Variants in TAF3 observed in about 807,000 individuals in gnomAD.
TAF3 encodes TATA-box binding protein associated factor 3, also known as transcription initiation factor TFIID subunit 3.
TAF3 carries 7 observed loss-of-function variants against 80.6 expected under a neutral mutation model. That is an observed-to-expected ratio of 0.09 (90% CI 0.05 to 0.16). TAF3 has a LOEUF of 0.16. Among genes scored for constraint, TAF3 ranks in the 10% least tolerant of loss-of-function variants. The probability of loss-of-function intolerance (pLI) is 1.00; values close to 1 mark genes in which losing one functional copy is unlikely to be tolerated. For synonymous variants in TAF3, 444 were observed against 446.1 expected, an observed-to-expected ratio of 1.00 and a Z score of 0.06; for missense variants, 921 against 1,140.2, an observed-to-expected ratio of 0.81 and a Z score of 2.77.
intron 2 of TAF3, among the ~76,000 whole-genome samples, chr10:7,908,286 C>A (rs776124817): frequency 5.9e-5 from 9 of 152,126 alleles, no homozygotes; most frequent in Non-Finnish European, 1.2e-4. Flanking sequence ...GCCTGAAGGC[C>A]ATGGCTACTG....
chr10:7,842,104 A>C lies in TAF3; in HGVS notation c.409+17544A>C, dbSNP rs539501865. 8.0e-5 allele frequency among the ~76,000 whole-genome samples: 12 copies of C among 150,548 alleles called. No individual in the cohort carries two copies. In the East Asian group the frequency reaches 2.1e-3, roughly 27 times the overall value. On this transcript the variant is annotated intron_variant, in intron 2 of 6. Coordinates refer to ENST00000344293, the MANE Select transcript of TAF3 (RefSeq NM_031923.4). ...ATTGAGTTGCGTGAGTACCCTATTT[A>C]ATTAAAGATGGCCCTGTTTGTCATT...
chr10:7,935,023 T>C (rs533181843), intron 2 of TAF3, among the ~76,000 whole-genome samples: 27 of 152,172 alleles, frequency 1.8e-4, no homozygotes, highest in African/African-American at 5.8e-4. Context: ...ATGCCTGTAA[T>C]GCCAGCACTT....
chr10:7,967,757 A>T (rs902531501), intron 3 of TAF3, among the ~76,000 whole-genome samples: 5 of 152,210 alleles, frequency 3.3e-5, no homozygotes, highest in Non-Finnish European at 1.5e-5. Context: ...AGAGTGTTCC[A>T]TTCTGAATCA....
In TAF3 at chr10:7,965,349, A is replaced by T; in HGVS notation, c.1839A>T (p.Lys613Asn). The change falls in exon 3 of 7, where the codon AAA becomes AAT. Residue 613 changes from lysine (K) to asparagine (N), a missense_variant. Lys to Asn is a moderately conservative substitution (Grantham distance 94). Coordinates refer to ENST00000344293, the MANE Select transcript of TAF3 (RefSeq NM_031923.4). ...KLKDGLVRKE[K>N]EKHKDKKKDR... The stretch of plus-strand genomic sequence containing the variant: ...AAGATGGACTTGTGAGGAAGGAGAA[A>T]GAGAAGCATAAAGATAAGAAGAAAG... 1 of 1,603,528 alleles carries T rather than the reference A, an allele frequency of 6.2e-7. No individual in the cohort carries two copies.
At chr10:7,923,054 A>G (rs1267871246) in intron 2 of TAF3, among the ~76,000 whole-genome samples, 2 of 152,104 alleles carry the variant, frequency 1.3e-5, no homozygotes, top group African/African-American at 4.8e-5. Flanking sequence ...TATCATTATT[A>G]AAAGTTTTTT....
intron 2 of TAF3, among the ~76,000 whole-genome samples, chr10:7,861,629 T>C (rs1350109493): frequency 6.6e-6 from 1 of 152,170 alleles, no homozygotes; most frequent in African/African-American, 2.4e-5. Context: ...TTTTCCACCA[T>C]CTCATAACCT....
intron 2 of TAF3, among the ~76,000 whole-genome samples, chr10:7,834,827 C>A (rs1359932764): frequency 6.6e-6 from 1 of 152,004 alleles, no homozygotes; most frequent in Non-Finnish European, 1.5e-5. Context: ...ATTTTTTTTG[C>A]TCATTCTGTC....
chr10:7,885,822 T>G (rs1837404107), intron 2 of TAF3, among the ~76,000 whole-genome samples: 1 of 152,232 alleles, frequency 6.6e-6, no homozygotes, highest in Non-Finnish European at 1.5e-5. Flanking sequence ...AGCTGACCCA[T>G]CACTCTTTGT....
At chr10:7,891,333 C>G (rs546002792) in intron 2 of TAF3, among the ~76,000 whole-genome samples, 70 of 152,176 alleles carry the variant, frequency 4.6e-4, no homozygotes, top group Non-Finnish European at 8.5e-4. Flanking sequence ...GTAAAAGACA[C>G]AGATACAAGT....
At chr10:7,927,628 A>G (rs1381923247) in intron 2 of TAF3, among the ~76,000 whole-genome samples, 1 of 152,202 alleles carries the variant, frequency 6.6e-6, no homozygotes, top group East Asian at 1.9e-4. Context: ...TTAACGTCAG[A>G]TAATGCCCAG....
At chr10:7,947,727 T>C (rs1347062400) in intron 2 of TAF3, among the ~76,000 whole-genome samples, 1 of 152,140 alleles carries the variant, frequency 6.6e-6, no homozygotes, top group Non-Finnish European at 1.5e-5. Flanking sequence ...GGGCCAGACC[T>C]TCCAAGACCT....
intron 2 of TAF3, among the ~76,000 whole-genome samples, chr10:7,877,167 A>G (rs1368938336): frequency 6.6e-6 from 1 of 152,098 alleles, no homozygotes; most frequent in Non-Finnish European, 1.5e-5. Context: ...AATTTAGGTG[A>G]TAATTACTTA....
intron 2 of TAF3, among the ~76,000 whole-genome samples, chr10:7,909,548 G>A (rs1837637698): frequency 6.6e-6 from 1 of 152,198 alleles, no homozygotes; most frequent in Non-Finnish European, 1.5e-5. Flanking sequence ...GTGAGTCAAA[G>A]CAAAGAAGGC....
rs765063709 is a variant in TAF3, at chr10:7,964,453, T to TCCAAGAGCCCCAAGAGTC, written c.958_975dup (p.Ser320_Lys325dup). On this transcript the variant is annotated inframe_insertion, in exon 3 of 7. Transcript: ENST00000344293. The surrounding 1 kb of genome is among the most constrained non-coding windows in gnomAD (Gnocchi z 4.1). ...CAAAGAAAAGAAATCACCTGGACGT[T>TCCAAGAGCCCCAAGAGTC]CCAAGAGCCCCAAGAGTCCCAAGAG... 1.9e-6 allele frequency: 3 copies of TCCAAGAGCCCCAAGAGTC among 1,613,712 alleles called. No individual in the cohort carries two copies. The highest frequency in any genetic ancestry group is 1.7e-5 in the Admixed American group (1 of 59,958).
At chr10:7,911,283 AGTGAAATCTGGCCT>A (rs1424810063) in intron 2 of TAF3, among the ~76,000 whole-genome samples, 1 of 152,272 alleles carries the variant, frequency 6.6e-6, no homozygotes. Flanking sequence ...TTAGTCAGTC[AGTGAAATCTGGCCT>A]AATCTGGGAC....
chr10:7,847,333 A>G (rs1343732928), intron 2 of TAF3, among the ~76,000 whole-genome samples: 1 of 152,258 alleles, frequency 6.6e-6, no homozygotes, highest in Admixed American at 6.5e-5. Context: ...TCATGCAATA[A>G]TATTTTTGTG....
At chr10:7,916,101 C>T (rs1225424161) in intron 2 of TAF3, among the ~76,000 whole-genome samples, 1 of 152,174 alleles carries the variant, frequency 6.6e-6, no homozygotes, top group Non-Finnish European at 1.5e-5. Context: ...TGTAGCTCCA[C>T]CTCTTAACCC....
At chr10:7,873,278 T>C (rs116669985) in intron 2 of TAF3, among the ~76,000 whole-genome samples, 2,729 of 152,280 alleles carry the variant, frequency 0.018, 82 homozygotes, top group African/African-American at 0.061. Context: ...AAGTTGGCTC[T>C]GTTGAAATTG....
At chr10:7,900,632 A>G (rs1837549409) in intron 2 of TAF3, among the ~76,000 whole-genome samples, 1 of 152,212 alleles carries the variant, frequency 6.6e-6, no homozygotes, top group South Asian at 2.1e-4. Flanking sequence ...AAAGTTATGA[A>G]ATGATTCAGA....
Sources: allele counts gnomAD v4.1 joint callset (sites outside exome capture counted in the v4.1 genomes callset), GRCh38; gene constraint gnomAD v4.1.1; non-coding constraint Gnocchi (gnomAD v3.1); transcripts MANE v1.5; gene names NCBI Gene and HGNC (gene_info 2026-07-23, HGNC 2026-07-21).